FRAS1: variants seen among roughly 807,000 people sequenced by gnomAD.
The protein encoded by FRAS1 is Fraser extracellular matrix complex subunit 1.
Under a neutral mutation model 435.2 loss-of-function variants are expected in FRAS1, and 290 were observed. The ratio of observed to expected loss-of-function variants is 0.67; its 90% CI spans 0.61 to 0.73. The LOEUF (loss-of-function observed/expected upper bound fraction) is 0.73, where lower values mean the gene tolerates loss of function less well. FRAS1 is among the 30% of genes least tolerant of loss of function. The pLI, the probability that FRAS1 is intolerant of heterozygous loss-of-function variation, is 0.00. For missense variants in FRAS1, 4,860 were observed against 5,001.5 expected (o/e 0.97, Z 0.85); for synonymous variants, 1,800 against 1,851.0 (o/e 0.97, Z 0.71).
At chr4:78,086,008 T>C (rs1023542004) in intron 2 of FRAS1, among the ~76,000 whole-genome samples, 16 of 152,090 alleles carry the variant, frequency 1.1e-4, no homozygotes, top group Non-Finnish European at 1.9e-4. Context: ...ATTCCAAAAT[T>C]GACCACATAG....
intron 6 of FRAS1, among the ~76,000 whole-genome samples, chr4:78,258,459 A>T (rs1725899062): frequency 6.6e-6 from 1 of 151,554 alleles, no homozygotes; most frequent in South Asian, 2.1e-4. Context: ...GGGTATCTAA[A>T]ATTTGGAAGG....
intron 2 of FRAS1, among the ~76,000 whole-genome samples, chr4:78,136,672 G>C (rs79385086): frequency 0.017 from 2,604 of 152,302 alleles, 35 homozygotes; most frequent in Non-Finnish European, 0.025. Flanking sequence ...GTTAATGAAT[G>C]ACAGAGCAGA....
At chr4:78,467,284 T>A (rs1719561773) in intron 50 of FRAS1, among the ~76,000 whole-genome samples, 1 of 152,180 alleles carries the variant, frequency 6.6e-6, no homozygotes, top group Admixed American at 6.5e-5. Context: ...TGGGTTCAGT[T>A]GTTTTGATTT....
chr4:78,217,569 C>G (rs1723822860), intron 2 of FRAS1, among the ~76,000 whole-genome samples: 1 of 152,052 alleles, frequency 6.6e-6, no homozygotes. Context: ...GATTGCTTTC[C>G]TCATCTCCCA....
chr4:78,388,803 A>G (rs780525814), intron 29 of FRAS1, among the ~76,000 whole-genome samples: 66 of 152,074 alleles, frequency 4.3e-4, no homozygotes, highest in Admixed American at 1.7e-3. Context: ...GCAAGGCCCT[A>G]TCTCTAAATA....
At chr4:78,242,470 C>T (rs906943297) in intron 3 of FRAS1, among the ~76,000 whole-genome samples, 1 of 152,244 alleles carries the variant, frequency 6.6e-6, no homozygotes, top group African/African-American at 2.4e-5. Flanking sequence ...GAGTTTCACT[C>T]TGCTGTCCAG....
At chr4:78,369,801 G>T (rs1337739565) in intron 22 of FRAS1, 37 bp from the exon 23 acceptor site, 1 of 1,585,444 alleles carries the variant, frequency 6.3e-7, no homozygotes, top group Admixed American at 1.7e-5. Context: ...ATTTGCAATT[G>T]TAATCATCTG....
chr4:78,239,889 C>G (rs986037087), intron 3 of FRAS1, among the ~76,000 whole-genome samples: 1 of 152,252 alleles, frequency 6.6e-6, no homozygotes, highest in East Asian at 1.9e-4. Flanking sequence ...AATTGCAAAT[C>G]TCTGCCCCCT....
chr4:78,274,575 C>A (rs1362175389), intron 9 of FRAS1, among the ~76,000 whole-genome samples: 1 of 152,160 alleles, frequency 6.6e-6, no homozygotes, highest in African/African-American at 2.4e-5. Context: ...GTTATGTACC[C>A]TGTAGTCATT....
intron 2 of FRAS1, among the ~76,000 whole-genome samples, chr4:78,095,666 C>G (rs1741766373): frequency 6.6e-6 from 1 of 152,132 alleles, no homozygotes; most frequent in African/African-American, 2.4e-5. Context: ...TGGCAGCAGG[C>G]AAAAAGAGAG....
chr4:78,520,040 C>T (rs1245815964), intron 67 of FRAS1, among the ~76,000 whole-genome samples: 1 of 152,140 alleles, frequency 6.6e-6, no homozygotes, highest in Non-Finnish European at 1.5e-5. Flanking sequence ...GGCTCATCCC[C>T]ATTACTGTCC....
At chr4:78,173,075 TTCGGTTTTACAACTCTGC>T (rs1721625397) in intron 2 of FRAS1, among the ~76,000 whole-genome samples, 1 of 152,230 alleles carries the variant, frequency 6.6e-6, no homozygotes, top group Admixed American at 6.5e-5. Flanking sequence ...AAAGGCTGAC[TTCGGTTTTACAACTCTGC>T]TCAGTTTCTG....
intron 2 of FRAS1, among the ~76,000 whole-genome samples, chr4:78,078,674 T>C (rs1350661896): frequency 6.6e-6 from 1 of 152,010 alleles, no homozygotes; most frequent in Non-Finnish European, 1.5e-5. Flanking sequence ...AATTTAAAAA[T>C]GTAAATCTAA....
At chr4:78,440,054 C>T (rs1373048395) in intron 40 of FRAS1, among the ~76,000 whole-genome samples, 2 of 130,440 alleles carry the variant, frequency 1.5e-5, no homozygotes, top group Non-Finnish European at 3.1e-5. Context: ...GACGGAGTCT[C>T]GCTCTGTCGC....
At chr4:78,150,219 T>TGTC (rs573127889) in intron 2 of FRAS1, among the ~76,000 whole-genome samples, 46 of 152,334 alleles carry the variant, frequency 3.0e-4, no homozygotes, top group African/African-American at 1.1e-3. Flanking sequence ...GAAATTGAAA[T>TGTC]GTCAGTTTTA....
chr4:78,234,286 C>T (rs935803171), intron 2 of FRAS1, among the ~76,000 whole-genome samples: 5 of 151,944 alleles, frequency 3.3e-5, no homozygotes, highest in Non-Finnish European at 5.9e-5. Flanking sequence ...AGTGCAGTGG[C>T]GCGATCTTGG....
At chr4:78,319,615 A>T in intron 18 of FRAS1, 1 of 293,170 alleles carries the variant, frequency 3.4e-6, no homozygotes, top group East Asian at 7.9e-5. Context: ...TTCATTGTAA[A>T]CATATGTTCA....
At chr4:78,428,082 G>A (rs182789890) in intron 35 of FRAS1, among the ~76,000 whole-genome samples, 3 of 152,284 alleles carry the variant, frequency 2.0e-5, no homozygotes, top group Admixed American at 6.5e-5. Context: ...GAAAAGATAG[G>A]GTGTTAAGTT....
intron 16 of FRAS1, 52 bp from the exon 17 acceptor site, chr4:78,317,316 C>T: frequency 6.2e-7 from 1 of 1,605,222 alleles, no homozygotes; most frequent in Non-Finnish European, 8.5e-7. Context: ...AGGAAGTGGG[C>T]ACTTTATTCA....
Sources: allele counts gnomAD v4.1 joint callset (sites outside exome capture counted in the v4.1 genomes callset), GRCh38; gene constraint gnomAD v4.1.1; transcripts MANE v1.5; gene names NCBI Gene and HGNC (gene_info 2026-07-23, HGNC 2026-07-21).